The following TINAG variants were observed in gnomAD, a reference collection of about 807,000 sequenced individuals.
The protein encoded by TINAG is tubulointerstitial nephritis antigen.
A neutral mutation model predicts 72.7 loss-of-function variants in TINAG; 83 were observed. That is an observed-to-expected ratio of 1.14 (90% confidence interval 0.96 to 1.37). The LOEUF (loss-of-function observed/expected upper bound fraction) is 1.37. Ranked by LOEUF, TINAG falls within the 40% of genes most tolerant of loss-of-function variation. TINAG has a pLI of 0.00. For synonymous variants in TINAG, 234 were observed against 189.9 expected (o/e 1.23, Z -1.91); for missense variants, 685 against 576.6 (o/e 1.19, Z -1.93).
chr6:54,361,980 G>C (rs890973979), intron 9 of TINAG, among the ~76,000 whole-genome samples: 22 of 151,756 alleles, frequency 1.4e-4, no homozygotes, highest in Non-Finnish European at 3.0e-5. Context: ...TGAGTAAGCT[G>C]CTGAAGAAAG....
In TINAG at chr6:54,386,719, C is replaced by T. The variant is rs187477828; in HGVS notation, c.1297-3072C>T. Among the ~76,000 whole-genome samples, 297 of 150,678 alleles carry T rather than the reference C, an allele frequency of 2.0e-3. 3 individuals are homozygous for T. Among genetic ancestry groups the T allele is most frequent in the African/African-American group, 6.6e-3 (272 of 41,180 alleles). ...ACATAGGTCACAGAAACTTTATATACATATGAAAAAAAAAAACCTAGATCA... is the reference window on the plus strand; with the variant it reads ...ACATAGGTCACAGAAACTTTATATATATATGAAAAAAAAAAACCTAGATCA... On this transcript the variant is annotated intron_variant, in intron 10 of 10. Transcript: ENST00000259782.
At chr6:54,327,597 G>A (rs1374318457) in intron 4 of TINAG, among the ~76,000 whole-genome samples, 2 of 151,986 alleles carry the variant, frequency 1.3e-5, no homozygotes, top group Non-Finnish European at 2.9e-5. Context: ...GAATGCCAGT[G>A]AGACAGAACC....
At chr6:54,308,942 T>C (rs1784176793) in intron 1 of TINAG, 37 bp downstream of exon 1, 8 of 1,494,454 alleles carry the variant, frequency 5.4e-6, no homozygotes, top group South Asian at 2.5e-5. Context: ...TCATCCTCGT[T>C]CATAACAACA....
chr6:54,371,370 TAAATGAGATA>T (rs1763601790), intron 9 of TINAG, among the ~76,000 whole-genome samples: 2 of 152,188 alleles, frequency 1.3e-5, no homozygotes, highest in South Asian at 4.1e-4. Context: ...TTGTGAGGAT[TAAATGAGATA>T]TGTGTCTGCT....
At chr6:54,359,039 A>G (rs1456701347) in intron 9 of TINAG, among the ~76,000 whole-genome samples, 1 of 151,834 alleles carries the variant, frequency 6.6e-6, no homozygotes, top group Non-Finnish European at 1.5e-5. Context: ...TCGGTACAGA[A>G]CAAAAGGTTT....
At chr6:54,388,724 A>T (rs1360390792) in intron 10 of TINAG, among the ~76,000 whole-genome samples, 1 of 151,948 alleles carries the variant, frequency 6.6e-6, no homozygotes, top group African/African-American at 2.4e-5. Flanking sequence ...TCCATCACAC[A>T]CTTATTCGTT....
Position 54,320,621 on chromosome 6 carries a change from T to A in TINAG, c.398T>A (p.Ile133Asn). The A allele has an allele frequency of 2.5e-6, 4 of 1,608,964 alleles. No individual in the cohort carries two copies. ...DGQHYEEGSV[I>N]KENCNSCTCS... ...CAACATTATGAAGAGGGATCAGTAATTAAAGAAAACTGCAACTCCTGGTAA... is the reference window on the plus strand; with the variant it reads ...CAACATTATGAAGAGGGATCAGTAAATAAAGAAAACTGCAACTCCTGGTAA... Residue 133 changes from isoleucine (I) to asparagine (N), a missense_variant, in exon 2 of 11, where the codon ATT becomes AAT. By Grantham distance (149) the Ile-to-Asn change is moderately radical (BLOSUM62 -3). Transcript: ENST00000259782.
In TINAG at chr6:54,308,661, G is replaced by GA; in HGVS notation, c.113dup (p.Asn38LysfsTer21). ...TGGACCTAGAGGCTTATTTCACTAGGAATCACACCGTTTTGCAAGGTACTC... is the reference window on the plus strand; with the variant it reads ...TGGACCTAGAGGCTTATTTCACTAGGAAATCACACCGTTTTGCAAGGTACTC... On this transcript the variant is annotated frameshift_variant, in exon 1 of 11. Transcript: ENST00000259782. LOFTEE classifies it high-confidence loss of function. 1 of 1,613,758 alleles carries GA rather than the reference G, an allele frequency of 6.2e-7. No homozygotes were observed. Among genetic ancestry groups the GA allele is most frequent in the South Asian group, 1.1e-5 (1 of 91,072 alleles).
chr6:54,350,457 T>C (rs779847087), intron 7 of TINAG, among the ~76,000 whole-genome samples: 1 of 151,798 alleles, frequency 6.6e-6, no homozygotes, highest in Non-Finnish European at 1.5e-5. Context: ...CCATAGCACA[T>C]TGGCCTTTCA....
chr6:54,378,543 T>G (rs1763852811), intron 9 of TINAG, among the ~76,000 whole-genome samples: 2 of 152,170 alleles, frequency 1.3e-5, no homozygotes, highest in African/African-American at 2.4e-5. Context: ...TGGAAAATTG[T>G]AACAAAATAT....
intron 8 of TINAG, among the ~76,000 whole-genome samples, chr6:54,353,921 G>T (rs1785327361): frequency 6.6e-6 from 1 of 151,816 alleles, no homozygotes; most frequent in Non-Finnish European, 1.5e-5. Flanking sequence ...AAGTAATTTA[G>T]GTGAAGGAAG....
At chr6:54,311,698 C>G (rs1208327403) in intron 1 of TINAG, among the ~76,000 whole-genome samples, 1 of 152,158 alleles carries the variant, frequency 6.6e-6, no homozygotes, top group African/African-American at 2.4e-5. Flanking sequence ...CTATCCACAG[C>G]CTTGTAATGC....
intron 9 of TINAG, among the ~76,000 whole-genome samples, chr6:54,356,641 A>G (rs2150964186): frequency 6.6e-6 from 1 of 152,046 alleles, no homozygotes; most frequent in Middle Eastern, 3.4e-3. Flanking sequence ...TGTTAGTGAA[A>G]AGTTTGACAA....
intron 3 of TINAG, among the ~76,000 whole-genome samples, chr6:54,326,445 A>C (rs1294184545): frequency 2.0e-5 from 3 of 151,990 alleles, no homozygotes; most frequent in Admixed American, 2.0e-4. Context: ...AACCTATTTA[A>C]TGTATAAGTG....
intron 7 of TINAG, 128 bp from the exon 8 acceptor site, chr6:54,351,224 C>A: frequency 1.4e-6 from 1 of 700,140 alleles, no homozygotes. Flanking sequence ...ATTAATGTAG[C>A]ATAATATACG....
chr6:54,366,376 T>C (rs1157758007), intron 9 of TINAG, among the ~76,000 whole-genome samples: 1 of 151,662 alleles, frequency 6.6e-6, no homozygotes. Context: ...GAAAATTCTT[T>C]AGGATAAAAA....
chr6:54,337,312 C>T (rs1311167271), intron 4 of TINAG, among the ~76,000 whole-genome samples: 3 of 132,460 alleles, frequency 2.3e-5, no homozygotes, highest in Non-Finnish European at 4.6e-5. Context: ...GAGTGCAGTG[C>T]TGCTATCTCT....
intron 3 of TINAG, among the ~76,000 whole-genome samples, chr6:54,321,607 G>A (rs1434349924): frequency 6.6e-6 from 1 of 152,254 alleles, no homozygotes; most frequent in African/African-American, 2.4e-5. Flanking sequence ...AATTATCTAG[G>A]AAAGAGCAAT....
At chr6:54,337,793 C>A (rs1427875868) in intron 4 of TINAG, among the ~76,000 whole-genome samples, 1 of 152,176 alleles carries the variant, frequency 6.6e-6, no homozygotes, top group Non-Finnish European at 1.5e-5. Context: ...TGGCATCAGG[C>A]TTCTGGAATA....
Sources: gnomAD v4.1 joint callset for allele counts (sites outside exome capture counted in the v4.1 genomes callset) on GRCh38, gnomAD v4.1.1 for gene constraint, MANE v1.5 for transcripts, NCBI Gene and HGNC (gene_info 2026-07-23, HGNC 2026-07-21) for gene names.